MB21D2: variants seen among roughly 807,000 people sequenced by gnomAD.
MB21D2 encodes nucleotidyltransferase MB21D2.
MB21D2 carries 9 observed loss-of-function variants against 33.3 expected under a neutral mutation model. That is an observed-to-expected ratio of 0.27 (90% CI 0.16 to 0.47). The LOEUF is 0.47. MB21D2 is among the 20% of genes least tolerant of loss of function. MB21D2 has a pLI of 0.99. For synonymous variants in MB21D2, 241 were observed against 236.3 expected (o/e 1.02, Z -0.18); for missense variants, 540 against 624.6 (o/e 0.86, Z 1.44).
intron 1 of MB21D2, among the ~76,000 whole-genome samples, chr3:192,862,384 T>A (rs539172713): frequency 1.3e-5 from 2 of 152,316 alleles, no homozygotes; most frequent in South Asian, 4.1e-4. Flanking sequence ...AATTGTAGAA[T>A]AATAGAGACA....
intron 1 of MB21D2, among the ~76,000 whole-genome samples, chr3:192,911,512 A>G (rs139997939): frequency 1.5e-4 from 23 of 152,322 alleles, no homozygotes; most frequent in African/African-American, 5.5e-4. Flanking sequence ...CTAACACAGG[A>G]CAGGATGTTG....
chr3:192,824,072 G>A (rs1285738966), intron 1 of MB21D2, among the ~76,000 whole-genome samples: 1 of 152,132 alleles, frequency 6.6e-6, no homozygotes, highest in Non-Finnish European at 1.5e-5. Flanking sequence ...TAGGAATAGG[G>A]TTAGATCACT....
intron 1 of MB21D2, among the ~76,000 whole-genome samples, chr3:192,839,091 G>A (rs1174700408): frequency 6.6e-6 from 1 of 152,118 alleles, no homozygotes; most frequent in Non-Finnish European, 1.5e-5. Flanking sequence ...GTGAGGGGGT[G>A]GATTGGGAGG....
chr3:192,856,894 C>A (rs1712930004), intron 1 of MB21D2, among the ~76,000 whole-genome samples: 1 of 152,036 alleles, frequency 6.6e-6, no homozygotes, highest in Non-Finnish European at 1.5e-5. Context: ...TACTAATTAT[C>A]TTCTGTCTGT....
In MB21D2 at chr3:192,799,158, A is replaced by G. The variant is rs1331156618; in HGVS notation, c.704T>C (p.Ile235Thr). The G allele has an allele frequency of 6.2e-7, 1 of 1,614,064 alleles. No individual in the cohort carries two copies. Among genetic ancestry groups the G allele is most frequent in the African/African-American group, 1.3e-5 (1 of 74,906 alleles). Residue 235 changes from isoleucine to threonine, a missense_variant, in exon 2 of 2, where the codon ATT becomes ACT. By Grantham distance (89) the Ile-to-Thr change is moderately conservative. Coordinates refer to ENST00000392452, the MANE Select transcript of MB21D2 (RefSeq NM_178496.4). This position sits in a 1 kb window ranked among gnomAD's most constrained non-coding sequence, Gnocchi z 4.1. ...ACCTTTGAAAGATACCACAGGGACA[A>G]TATCATACAACATGCGACTACTCCC... ...GVGSSRMLYDIVPVVSFKGWP... is the reference protein window; with the variant it reads ...GVGSSRMLYDTVPVVSFKGWP...
chr3:192,869,881 T>C (rs867355717), intron 1 of MB21D2, among the ~76,000 whole-genome samples: 8 of 152,152 alleles, frequency 5.3e-5, no homozygotes, highest in African/African-American at 1.9e-4. Context: ...GGAAAGGTAC[T>C]CAAACAGCAG....
chr3:192,878,548 T>C (rs1173012824), intron 1 of MB21D2, among the ~76,000 whole-genome samples: 1 of 152,220 alleles, frequency 6.6e-6, no homozygotes, highest in African/African-American at 2.4e-5. Flanking sequence ...AAAACATCCA[T>C]TAAGCAAGTG....
Position 192,828,607 on chromosome 3 carries a change from T to C in MB21D2, c.212-28957A>G, listed in dbSNP as rs1162276037. On this transcript the variant is annotated intron_variant, in intron 1 of 1. Transcript: ENST00000392452. The stretch of plus-strand genomic sequence containing the variant: ...CACCCCCCCCATATATATATATATA[T>C]ATATATATATATATATATATATATA... 6.6e-3 allele frequency among the ~76,000 whole-genome samples: 24 copies of C among 3,612 alleles called. 2 individuals carry two copies. The highest frequency in any genetic ancestry group is 0.015 in the South Asian group (1 of 66). 2.4% of individuals were successfully genotyped at this position (3,612 alleles called of 152,430 possible).
intron 1 of MB21D2, among the ~76,000 whole-genome samples, chr3:192,814,864 C>A (rs1266931157): frequency 6.9e-4 from 86 of 124,984 alleles, no homozygotes; most frequent in South Asian, 9.7e-4. Flanking sequence ...GACTCCATCC[C>A]AAAAAAAAAA....
intron 1 of MB21D2, among the ~76,000 whole-genome samples, chr3:192,823,153 T>C (rs1002691289): frequency 2.0e-5 from 3 of 152,222 alleles, no homozygotes; most frequent in African/African-American, 7.2e-5. Flanking sequence ...GATCCTATGT[T>C]CTAGTTTATT....
intron 1 of MB21D2, among the ~76,000 whole-genome samples, chr3:192,824,862 A>C (rs1281744072): frequency 6.6e-6 from 1 of 152,128 alleles, no homozygotes; most frequent in Non-Finnish European, 1.5e-5. Flanking sequence ...CTTCTATGCC[A>C]CATATAGAAA....
chr3:192,867,746 G>A (rs1713200425), intron 1 of MB21D2, among the ~76,000 whole-genome samples: 3 of 152,172 alleles, frequency 2.0e-5, no homozygotes, highest in African/African-American at 7.2e-5. Context: ...GTGACTGCTT[G>A]ACAGAGTAAG....
At chr3:192,810,712 CCAGA>C (rs749922180) in intron 1 of MB21D2, among the ~76,000 whole-genome samples, 123 of 152,192 alleles carry the variant, frequency 8.1e-4, no homozygotes, top group Admixed American at 1.4e-3. Context: ...AAGGTAAATC[CCAGA>C]CAACCTATCA....
chr3:192,801,345 A>G lies in MB21D2; in HGVS notation c.212-1695T>C, dbSNP rs114319421. Reference sequence around the variant, plus strand: ...AGATCAAGACCTACCACAAAGTATTATAATATTCCATTATTCATTATAATT... The same window carrying G: ...AGATCAAGACCTACCACAAAGTATTGTAATATTCCATTATTCATTATAATT... On this transcript the variant is annotated intron_variant, in intron 1 of 1. Coordinates refer to ENST00000392452, the MANE Select transcript of MB21D2 (RefSeq NM_178496.4). Among the ~76,000 whole-genome samples the G allele has an allele frequency of 3.2e-3, 493 of 152,356 alleles. 3 individuals carry two copies. The highest frequency in any genetic ancestry group is 0.011 in the African/African-American group (478 of 41,572).
At chr3:192,842,948 A>G (rs1265212808) in intron 1 of MB21D2, among the ~76,000 whole-genome samples, 3 of 152,230 alleles carry the variant, frequency 2.0e-5, no homozygotes, top group South Asian at 4.1e-4. Context: ...AAGTCTTAAG[A>G]GACTGGAGGT....
rs538461467 is a variant in MB21D2 at position 192,815,301 on chromosome 3, C to T, written c.212-15651G>A. Among the ~76,000 whole-genome samples the T allele has an allele frequency of 2.4e-4, 36 of 152,274 alleles. 1 individual carries two copies. The South Asian group carries it at 7.5e-3, about 32-fold the overall frequency. ...AAGCAAAGGTGACACAGCACTGAAC[C>T]TGGCACAGGTGCCAGAAATAGAACC... On this transcript the variant is annotated intron_variant, in intron 1 of 1. Coordinates refer to ENST00000392452, the MANE Select transcript of MB21D2 (RefSeq NM_178496.4).
chr3:192,827,650 C>T (rs186027467), intron 1 of MB21D2, among the ~76,000 whole-genome samples: 1 of 152,208 alleles, frequency 6.6e-6, no homozygotes, highest in East Asian at 1.9e-4. Context: ...CCAGGTCTCG[C>T]TCATTCCAAA....
At chr3:192,804,082 C>A (rs1022194543) in intron 1 of MB21D2, among the ~76,000 whole-genome samples, 2 of 152,018 alleles carry the variant, frequency 1.3e-5, no homozygotes, top group African/African-American at 4.8e-5. Context: ...CTTAATAGTA[C>A]CCTTTTATAT....
At position 192,840,415 on chromosome 3, in the gene MB21D2, C is replaced by CTTTTTTTTTTTT. The variant is rs71177380; in HGVS notation, c.212-40777_212-40766dup. 2.8e-4 allele frequency among the ~76,000 whole-genome samples: 25 copies of CTTTTTTTTTTTT among 88,290 alleles called. 1 individual carries two copies. Among genetic ancestry groups the CTTTTTTTTTTTT allele is most frequent in the Middle Eastern group, 0.012 (1 of 84 alleles). The allele number at this position is 88,290 out of a possible 152,430, so 57.9% of individuals were successfully genotyped here. A position where few individuals can be genotyped will look rare whatever the true frequency, so the allele number is the denominator to read the frequency against. On this transcript the variant is annotated intron_variant, in intron 1 of 1. Transcript: ENST00000392452. The stretch of plus-strand genomic sequence containing the variant: ...TGACAAAGACTTTTTTCTCTTTTTT[C>CTTTTTTTTTTTT]TTTTTTTTTTTTTTTTTTTTTTTTT...
Sources: allele counts gnomAD v4.1 joint callset (sites outside exome capture counted in the v4.1 genomes callset), GRCh38; gene constraint gnomAD v4.1.1; non-coding constraint Gnocchi (gnomAD v3.1); transcripts MANE v1.5; gene names NCBI Gene and HGNC (gene_info 2026-07-23, HGNC 2026-07-21).